The following FAR2 variants were observed in gnomAD, a reference collection of about 807,000 sequenced individuals.
The protein encoded by FAR2 is fatty acyl-CoA reductase 2.
Under a neutral mutation model 56.0 loss-of-function variants are expected in FAR2, and 19 were observed. That is an observed-to-expected ratio of 0.34 (90% confidence interval 0.24 to 0.50). The LOEUF (loss-of-function observed/expected upper bound fraction) is 0.50. Ranked by LOEUF, FAR2 falls within the 20% of genes least tolerant of loss-of-function variation. FAR2 has a pLI of 0.98. For missense variants in FAR2, 508 were observed against 642.2 expected, an observed-to-expected ratio of 0.79 and a Z score of 2.26; for synonymous variants, 219 against 218.8, an observed-to-expected ratio of 1.00 and a Z score of -0.01.
chr12:29,184,555 C>T (rs920782742), intron 1 of FAR2, among the ~76,000 whole-genome samples: 28 of 150,790 alleles, frequency 1.9e-4, no homozygotes, highest in African/African-American at 6.3e-4. Flanking sequence ...CTGCCTCAAC[C>T]TCCCGAGTAG....
At chr12:29,321,965 C>T (rs773449674) in intron 10 of FAR2, 41 bp downstream of exon 10, 11 of 1,570,262 alleles carry the variant, frequency 7.0e-6, no homozygotes, top group Non-Finnish European at 8.6e-6. Flanking sequence ...AAATGCTACT[C>T]ACTTGGAATT....
intron 1 of FAR2, among the ~76,000 whole-genome samples, chr12:29,187,054 C>T (rs547794460): frequency 6.6e-6 from 1 of 152,260 alleles, no homozygotes; most frequent in African/African-American, 2.4e-5. Flanking sequence ...TCCCAAAGTG[C>T]TGGGATTACA....
intron 9 of FAR2, among the ~76,000 whole-genome samples, chr12:29,319,052 G>T (rs967647142): frequency 6.6e-6 from 1 of 151,188 alleles, no homozygotes; most frequent in South Asian, 2.1e-4. Flanking sequence ...GTGCAGTGGC[G>T]AGATCTCAGC....
intron 1 of FAR2, among the ~76,000 whole-genome samples, chr12:29,188,992 AAC>A (rs1950073814): frequency 2.0e-5 from 3 of 152,112 alleles, no homozygotes; most frequent in South Asian, 4.1e-4. Context: ...TGGAGATGTT[AAC>A]CTTCATCACT....
At chr12:29,246,736 C>T (rs1316279703) in intron 1 of FAR2, among the ~76,000 whole-genome samples, 4 of 152,094 alleles carry the variant, frequency 2.6e-5, no homozygotes, top group Admixed American at 1.3e-4. Flanking sequence ...CAGTTTAACA[C>T]TATTAAGAAG....
At chr12:29,321,274 C>A (rs1949546539) in intron 9 of FAR2, among the ~76,000 whole-genome samples, 2 of 151,964 alleles carry the variant, frequency 1.3e-5, no homozygotes. Context: ...GCCTGCAATC[C>A]CAACACTTTG....
chr12:29,306,706 ACTTTGGGGTTAT>A (rs1949258600), intron 4 of FAR2, among the ~76,000 whole-genome samples: 1 of 151,658 alleles, frequency 6.6e-6, no homozygotes, highest in East Asian at 1.9e-4. Context: ...GTGTAGATAG[ACTTTGGGGTTAT>A]CAAGTGGTTC....
At chr12:29,278,238 A>G (rs1948732438) in intron 2 of FAR2, among the ~76,000 whole-genome samples, 1 of 151,416 alleles carries the variant, frequency 6.6e-6, no homozygotes, top group South Asian at 2.1e-4. Flanking sequence ...GTTTATATAT[A>G]TTTTCAATAG....
At chr12:29,283,211 C>G (rs866992249) in intron 2 of FAR2, among the ~76,000 whole-genome samples, 2 of 152,098 alleles carry the variant, frequency 1.3e-5, no homozygotes, top group Non-Finnish European at 2.9e-5. Flanking sequence ...CACAAAAAGC[C>G]TTGTAATATA....
At chr12:29,232,522 G>C (rs561880620) in intron 1 of FAR2, among the ~76,000 whole-genome samples, 1 of 151,948 alleles carries the variant, frequency 6.6e-6, no homozygotes, top group Non-Finnish European at 1.5e-5. Context: ...CTATCCATTA[G>C]GACACGACTT....
intron 1 of FAR2, among the ~76,000 whole-genome samples, chr12:29,196,782 A>C (rs1483431907): frequency 6.6e-6 from 1 of 152,124 alleles, no homozygotes; most frequent in Non-Finnish European, 1.5e-5. Flanking sequence ...TTAAACTAAA[A>C]AGCTTCTGCA....
At chr12:29,272,844 C>T (rs758438380) in intron 2 of FAR2, among the ~76,000 whole-genome samples, 3 of 151,984 alleles carry the variant, frequency 2.0e-5, no homozygotes, top group Admixed American at 1.3e-4. Context: ...TGTTGTTGTT[C>T]TTGATGTTGT....
intron 2 of FAR2, among the ~76,000 whole-genome samples, chr12:29,290,257 C>T (rs1224139072): frequency 6.6e-6 from 1 of 151,958 alleles, no homozygotes; most frequent in Non-Finnish European, 1.5e-5. Flanking sequence ...ATCAGCCTGG[C>T]CAACGTAGCG....
chr12:29,283,666 A>G (rs1204231393), intron 2 of FAR2, among the ~76,000 whole-genome samples: 1 of 152,212 alleles, frequency 6.6e-6, no homozygotes, highest in African/African-American at 2.4e-5. Context: ...ATTATCATCT[A>G]GTTTTTCATA....
At chr12:29,270,365 G>T in intron 1 of FAR2, 47 bp from the exon 2 acceptor site, 1 of 1,365,896 alleles carries the variant, frequency 7.3e-7, no homozygotes, top group Non-Finnish European at 9.9e-7. Context: ...CTTTGAATAT[G>T]AGAACTTCTG....
At chr12:29,301,041 T>C (rs551475576) in intron 4 of FAR2, among the ~76,000 whole-genome samples, 1 of 152,316 alleles carries the variant, frequency 6.6e-6, no homozygotes, top group South Asian at 2.1e-4. Context: ...CCCCATTTTC[T>C]ATCCATCCTG....
At chr12:29,164,642 G>A (rs1213530072) in intron 1 of FAR2, among the ~76,000 whole-genome samples, 2 of 152,180 alleles carry the variant, frequency 1.3e-5, no homozygotes, top group Non-Finnish European at 2.9e-5. Flanking sequence ...AAGAACGGAG[G>A]GGAGAGTGAA....
chr12:29,295,706 T>G (rs1368065688), intron 3 of FAR2, among the ~76,000 whole-genome samples: 4 of 151,702 alleles, frequency 2.6e-5, no homozygotes, highest in Non-Finnish European at 4.4e-5. Context: ...TTCTTCCCTT[T>G]TCTTCTCTAA....
At chr12:29,203,872 C>T (rs192828436) in intron 1 of FAR2, among the ~76,000 whole-genome samples, 12,494 of 151,384 alleles carry the variant, frequency 0.083, 698 homozygotes, top group South Asian at 0.21. Context: ...TGGTGGCGGG[C>T]GCCTGTAGTC....
Sources: allele counts gnomAD v4.1 joint callset (sites outside exome capture counted in the v4.1 genomes callset), GRCh38; gene constraint gnomAD v4.1.1; transcripts MANE v1.5; gene names NCBI Gene and HGNC (gene_info 2026-07-23, HGNC 2026-07-21).